The following ARFGEF1 variants were observed in gnomAD, a reference collection of about 807,000 sequenced individuals.
The protein encoded by ARFGEF1 is brefeldin A-inhibited guanine nucleotide-exchange protein 1.
ARFGEF1 carries 42 observed loss-of-function variants against 231.0 expected under a neutral mutation model. The ratio of observed to expected loss-of-function variants is 0.18; its 90% confidence interval spans 0.14 to 0.24. ARFGEF1 has a LOEUF of 0.24. Among genes scored for constraint, ARFGEF1 ranks in the 10% least tolerant of loss-of-function variants. The probability of loss-of-function intolerance (pLI) is 1.00; values close to 1 mark genes in which losing one functional copy is unlikely to be tolerated. For missense variants in ARFGEF1, 1,345 were observed against 2,192.0 expected (o/e 0.61, Z 7.72); for synonymous variants, 710 against 732.3 (o/e 0.97, Z 0.49).
chr8:67,194,493 G>A (rs1837323844), downstream of ARFGEF1, among the ~76,000 whole-genome samples: 1 of 152,048 alleles, frequency 6.6e-6, no homozygotes, highest in African/African-American at 2.4e-5. Context: ...CAGCTATAAG[G>A]CATTTTCTTT....
Position 67,244,344 on chromosome 8 carries a change from C to T in ARFGEF1, c.2851-4054G>A, listed in dbSNP as rs74412820. On this transcript the variant is annotated intron_variant, in intron 19 of 38. Coordinates refer to ENST00000262215, the MANE Select transcript of ARFGEF1 (RefSeq NM_006421.5). ...TTTTTTTTTTTTTTTGAGGATCTCA[C>T]TCTGTTACTCAGGCTGGAGTGAAGT... Among the ~76,000 whole-genome samples, 428 of 111,722 alleles carry T rather than the reference C, an allele frequency of 3.8e-3. 26 individuals carry two copies. The East Asian group carries it at 0.11, about 30-fold the overall frequency. The allele number at this position is 111,722 out of a possible 152,430, so 73.3% of individuals were successfully genotyped here. A position where few individuals can be genotyped will look rare whatever the true frequency, so the allele number is the denominator to read the frequency against.
chr8:67,224,816 A>T, intron 29 of ARFGEF1, 87 bp downstream of exon 29: 1 of 914,470 alleles, frequency 1.1e-6, no homozygotes. Context: ...TATGGTCTTT[A>T]ACTGTGAGAT....
intron 5 of ARFGEF1, among the ~76,000 whole-genome samples, chr8:67,188,963 G>C (rs897942227): frequency 1.3e-5 from 2 of 152,206 alleles, no homozygotes; most frequent in Non-Finnish European, 2.9e-5. Flanking sequence ...CCAGGTCAGA[G>C]AACAAGAGGC....
At chr8:67,179,910 T>C in intron 5 of ARFGEF1, 1 of 1,573,620 alleles carries the variant, frequency 6.4e-7, no homozygotes, top group African/African-American at 1.3e-5. Flanking sequence ...TATTGGAATC[T>C]GATAGTGCTT....
chr8:67,239,627 C>T (rs917937207), intron 20 of ARFGEF1, among the ~76,000 whole-genome samples: 3 of 151,852 alleles, frequency 2.0e-5, no homozygotes, highest in African/African-American at 4.8e-5. Context: ...TCCACAGCTA[C>T]GCTATACTTT....
intron 14 of ARFGEF1, among the ~76,000 whole-genome samples, chr8:67,264,454 G>T (rs1212653679): frequency 6.6e-6 from 1 of 152,030 alleles, no homozygotes; most frequent in Non-Finnish European, 1.5e-5. Flanking sequence ...CCATAAATAA[G>T]AAATACAAAA....
At chr8:67,323,171 G>A (rs1427108725) in intron 1 of ARFGEF1, among the ~76,000 whole-genome samples, 2 of 152,146 alleles carry the variant, frequency 1.3e-5, no homozygotes, top group African/African-American at 4.8e-5. Context: ...AGAATTGCTT[G>A]AATCCAGGAG....
chr8:67,252,524 C>G (rs946009225), intron 18 of ARFGEF1, among the ~76,000 whole-genome samples: 2 of 152,048 alleles, frequency 1.3e-5, no homozygotes, highest in Non-Finnish European at 2.9e-5. Flanking sequence ...ATTCTTTTCT[C>G]CTGCCATTTG....
intron 1 of ARFGEF1, among the ~76,000 whole-genome samples, chr8:67,339,881 ACT>A (rs2128939166): frequency 6.9e-6 from 1 of 143,944 alleles, no homozygotes; most frequent in Non-Finnish European, 1.5e-5. Context: ...TTTTACATTA[ACT>A]CTGCATCCCT....
At chr8:67,305,667 T>C (rs1223467999) in intron 1 of ARFGEF1, among the ~76,000 whole-genome samples, 1 of 152,178 alleles carries the variant, frequency 6.6e-6, no homozygotes, top group Non-Finnish European at 1.5e-5. Context: ...AGTCTTAAAC[T>C]AGTGTATTAC....
intron 17 of ARFGEF1, among the ~76,000 whole-genome samples, chr8:67,256,111 G>A (rs1840445000): frequency 1.3e-5 from 2 of 151,366 alleles, no homozygotes; most frequent in Admixed American, 1.3e-4. Flanking sequence ...AAAATCAAAT[G>A]AAAAAATTAG....
chr8:67,315,827 T>C (rs1432509172), intron 1 of ARFGEF1, among the ~76,000 whole-genome samples: 1 of 152,008 alleles, frequency 6.6e-6, no homozygotes, highest in African/African-American at 2.4e-5. Context: ...CAGCTAAAAT[T>C]GTATGGGATA....
chr8:67,289,734 C>T (rs1204202842), intron 6 of ARFGEF1, among the ~76,000 whole-genome samples: 1 of 151,942 alleles, frequency 6.6e-6, no homozygotes, highest in African/African-American at 2.4e-5. Context: ...AAATGAGCAA[C>T]CTTATTTTAT....
intron 10 of ARFGEF1, among the ~76,000 whole-genome samples, chr8:67,271,182 C>T (rs1322305569): frequency 6.6e-6 from 1 of 151,134 alleles, no homozygotes; most frequent in South Asian, 2.1e-4. Flanking sequence ...TTCCAAAGAT[C>T]CTGGAAGAAA....
Position 67,299,348 on chromosome 8 carries a change from A to G in ARFGEF1, c.320T>C (p.Ile107Thr), listed in dbSNP as rs753957502. ...STSLDCLQKLIAYGHLTGNAP... is the reference protein window; with the variant it reads ...STSLDCLQKLTAYGHLTGNAP... ...ATTGCCAGTCAAGTGCCCATAAGCA[A>G]TAAGTTTCTAAAATGGAGAAAGAAA... is the stretch of plus-strand genomic sequence containing the variant. The change falls in exon 4 of 39, where the codon ATT (isoleucine) becomes ACT (threonine). Residue 107 changes from isoleucine to threonine, a missense_variant. Transcript: ENST00000262215. The G allele has an allele frequency of 1.6e-5, 26 of 1,602,416 alleles. No individual in the cohort carries two copies. The highest frequency in any genetic ancestry group is 8.0e-5 in the South Asian group (7 of 87,726).
At chr8:67,236,020 C>T (rs975095274) in intron 22 of ARFGEF1, among the ~76,000 whole-genome samples, 2 of 151,716 alleles carry the variant, frequency 1.3e-5, no homozygotes, top group African/African-American at 2.4e-5. Flanking sequence ...TATGGGCGGG[C>T]GCAGTAGCTC....
intron 19 of ARFGEF1, among the ~76,000 whole-genome samples, chr8:67,244,266 A>AAAACAAAAC (rs1563860748): frequency 2.3e-4 from 4 of 17,206 alleles, no homozygotes; most frequent in African/African-American, 8.8e-4. Flanking sequence ...AAAAAAAAAA[A>AAAACAAAAC]AACATTCGAC....
intron 7 of ARFGEF1, among the ~76,000 whole-genome samples, chr8:67,277,953 T>G (rs1296875453): frequency 1.3e-5 from 2 of 152,182 alleles, no homozygotes; most frequent in African/African-American, 4.8e-5. Context: ...CTTCCCGTTT[T>G]TAGAATTCCT....
intron 25 of ARFGEF1, 35 bp from the exon 26 acceptor site, chr8:67,227,633 A>G (rs769402576): frequency 6.3e-7 from 1 of 1,588,870 alleles, no homozygotes. Flanking sequence ...ATGCTAATTA[A>G]TATCAGCAGT....
Sources: allele counts gnomAD v4.1 joint callset (sites outside exome capture counted in the v4.1 genomes callset), GRCh38; gene constraint gnomAD v4.1.1; transcripts MANE v1.5; gene names NCBI Gene and HGNC (gene_info 2026-07-23, HGNC 2026-07-21).